Variants in SCAMP1 observed in about 807,000 individuals in gnomAD.
The protein encoded by SCAMP1 is secretory carrier membrane protein 1.
A neutral mutation model predicts 41.8 loss-of-function variants in SCAMP1; 15 were observed. The observed-to-expected ratio is 0.36, with a 90% CI of 0.24 to 0.55. The LOEUF is 0.55. Among genes scored for constraint, SCAMP1 ranks in the 20% least tolerant of loss-of-function variants. The probability of loss-of-function intolerance (pLI) is 0.86; values close to 1 mark genes in which losing one functional copy is unlikely to be tolerated. For missense variants in SCAMP1, 341 were observed against 412.6 expected (o/e 0.83, Z 1.50); for synonymous variants, 135 against 136.8 (o/e 0.99, Z 0.09).
chr5:78,383,062 C>T (rs1424994514), intron 1 of SCAMP1, among the ~76,000 whole-genome samples: 1 of 150,574 alleles, frequency 6.6e-6, no homozygotes, highest in Non-Finnish European at 1.5e-5. Context: ...TACATTTTCA[C>T]CAACAGTGTA....
At position 78,421,997 on chromosome 5, in the gene SCAMP1, C is replaced by G. The variant is rs760102094; in HGVS notation, c.632+37C>G. On this transcript the variant is annotated intron_variant, in intron 6 of 8. Transcript: ENST00000621999. The stretch of plus-strand genomic sequence containing the variant: ...GTACTTTAAAATACACTCTTTAAAA[C>G]CTGTGAAGTAAATAATTCGTAGTAT... The G allele has an allele frequency of 5.9e-6, 9 of 1,526,266 alleles. No homozygotes were observed. In the African/African-American group the frequency reaches 1.2e-4, roughly 21 times the overall value. The allele number at this position is 1,526,266 out of a possible 1,614,324, so 94.5% of individuals were successfully genotyped here. A position where few individuals can be genotyped will look rare whatever the true frequency, so the allele number is the denominator to read the frequency against.
At chr5:78,418,713 A>G in intron 4 of SCAMP1, 62 bp from the exon 5 acceptor site, 1 of 1,126,164 alleles carries the variant, frequency 8.9e-7, no homozygotes, top group Non-Finnish European at 1.2e-6. Context: ...TATGAAACAA[A>G]AAATAATATC....
chr5:78,365,429 G>A (rs1477516638), intron 1 of SCAMP1, among the ~76,000 whole-genome samples: 1 of 136,774 alleles, frequency 7.3e-6, no homozygotes, highest in Non-Finnish European at 1.5e-5. Context: ...AGCTGAGATG[G>A]CACCACTGCA....
At chr5:78,418,532 GTATGA>G (rs895955940) in intron 4 of SCAMP1, among the ~76,000 whole-genome samples, 1 of 152,020 alleles carries the variant, frequency 6.6e-6, no homozygotes, top group Non-Finnish European at 1.5e-5. Context: ...GCTAAACATG[GTATGA>G]TATGACACTG....
chr5:78,425,542 A>G (rs1335560889), intron 6 of SCAMP1, among the ~76,000 whole-genome samples: 1 of 152,208 alleles, frequency 6.6e-6, no homozygotes, highest in African/African-American at 2.4e-5. Flanking sequence ...ACATCTTTGT[A>G]TACAGGTTAT....
chr5:78,397,528 G>GA (rs1174437219), intron 2 of SCAMP1, among the ~76,000 whole-genome samples: 6 of 152,176 alleles, frequency 3.9e-5, no homozygotes, highest in African/African-American at 1.4e-4. Flanking sequence ...TCAAGAGAGT[G>GA]AAAAGACAGC....
chr5:78,410,395 T>G (rs564304888), intron 2 of SCAMP1, among the ~76,000 whole-genome samples: 2 of 152,186 alleles, frequency 1.3e-5, no homozygotes, highest in East Asian at 3.9e-4. Context: ...GGGAACATGC[T>G]GTTTGGTTTT....
At chr5:78,370,077 T>C (rs567428819) in intron 1 of SCAMP1, among the ~76,000 whole-genome samples, 1 of 152,290 alleles carries the variant, frequency 6.6e-6, no homozygotes, top group African/African-American at 2.4e-5. Flanking sequence ...AACCTGGCGT[T>C]CTTCTTTCTG....
At chr5:78,369,903 G>A (rs528808693) in intron 1 of SCAMP1, among the ~76,000 whole-genome samples, 22 of 152,300 alleles carry the variant, frequency 1.4e-4, no homozygotes, top group African/African-American at 5.3e-4. Flanking sequence ...TGCCACCCTG[G>A]CCTCAGCTGA....
At chr5:78,392,097 G>A (rs1041546138) in intron 2 of SCAMP1, among the ~76,000 whole-genome samples, 21 of 150,536 alleles carry the variant, frequency 1.4e-4, no homozygotes, top group African/African-American at 5.1e-4. Context: ...GAGGGAGAGC[G>A]AAAAGAGATT....
intron 1 of SCAMP1, among the ~76,000 whole-genome samples, chr5:78,387,523 T>G (rs1055372116): frequency 1.1e-4 from 17 of 152,040 alleles, no homozygotes; most frequent in Non-Finnish European, 8.8e-5. Flanking sequence ...CTTTTCGGGG[T>G]GTTAACCTTG....
intron 7 of SCAMP1, among the ~76,000 whole-genome samples, chr5:78,454,126 A>G (rs1753318369): frequency 6.6e-6 from 1 of 152,200 alleles, no homozygotes; most frequent in Admixed American, 6.5e-5. Flanking sequence ...TGTCGTCTGC[A>G]AACAGGGACA....
intron 6 of SCAMP1, among the ~76,000 whole-genome samples, chr5:78,437,680 T>G (rs527260605): frequency 2.6e-5 from 4 of 152,328 alleles, no homozygotes; most frequent in African/African-American, 7.2e-5. Flanking sequence ...TTCTCTTTTT[T>G]TGTGTGTATC....
intron 6 of SCAMP1, among the ~76,000 whole-genome samples, chr5:78,449,043 T>C (rs1753151219): frequency 6.6e-6 from 1 of 151,958 alleles, no homozygotes; most frequent in African/African-American, 2.4e-5. Context: ...AACAACCTGT[T>C]TGTAAAACAG....
intron 6 of SCAMP1, among the ~76,000 whole-genome samples, chr5:78,435,279 A>G (rs1752720452): frequency 6.6e-6 from 1 of 152,214 alleles, no homozygotes; most frequent in Admixed American, 6.5e-5. Flanking sequence ...GTACAAGTGC[A>G]CAACGTGCAG....
chr5:78,367,383 A>G (rs1256280891), intron 1 of SCAMP1, among the ~76,000 whole-genome samples: 1 of 152,070 alleles, frequency 6.6e-6, no homozygotes. Context: ...TGGAGTCACT[A>G]AAGTGGCTTC....
intron 8 of SCAMP1, among the ~76,000 whole-genome samples, chr5:78,466,284 TTGG>T (rs1056655327): frequency 6.6e-6 from 1 of 152,148 alleles, no homozygotes; most frequent in African/African-American, 2.4e-5. Flanking sequence ...GAGAAATAAA[TTGG>T]TGGGCCCCCC....
chr5:78,369,450 A>G (rs537179746), intron 1 of SCAMP1, among the ~76,000 whole-genome samples: 1 of 152,276 alleles, frequency 6.6e-6, no homozygotes, highest in East Asian at 1.9e-4. Context: ...TGTTATGGGC[A>G]TGGTTTGTGG....
intron 1 of SCAMP1, among the ~76,000 whole-genome samples, chr5:78,364,358 A>T (rs1186114258): frequency 6.6e-6 from 1 of 151,712 alleles, no homozygotes; most frequent in Non-Finnish European, 1.5e-5. Flanking sequence ...ATGATAATTG[A>T]TTGAATAAGA....
Sources: gnomAD v4.1 joint callset for allele counts (sites outside exome capture counted in the v4.1 genomes callset) on GRCh38, gnomAD v4.1.1 for gene constraint, MANE v1.5 for transcripts, NCBI Gene and HGNC (gene_info 2026-07-23, HGNC 2026-07-21) for gene names.